Variants in CACNB2 observed in about 807,000 individuals in gnomAD.
CACNB2 encodes voltage-dependent L-type calcium channel subunit beta-2.
Under a neutral mutation model 73.3 loss-of-function variants are expected in CACNB2, and 42 were observed. The ratio of observed to expected loss-of-function variants is 0.57; its 90% confidence interval spans 0.45 to 0.74. CACNB2 has a LOEUF of 0.74. Ranked by LOEUF, CACNB2 falls within the 30% of genes least tolerant of loss-of-function variation. CACNB2 has a pLI of 0.00. For synonymous variants in CACNB2, 348 were observed against 310.3 expected (o/e 1.12, Z -1.28); for missense variants, 940 against 853.0 (o/e 1.10, Z -1.27).
intron 3 of CACNB2, among the ~76,000 whole-genome samples, chr10:18,406,810 G>C (rs2044312253): frequency 6.6e-6 from 1 of 152,152 alleles, no homozygotes. Context: ...AAAGGTGGAG[G>C]ACTGCTGCCT....
intron 3 of CACNB2, among the ~76,000 whole-genome samples, chr10:18,403,432 G>A (rs4536107): frequency 1 from 152,370 of 152,372 alleles, 76,184 homozygotes; most frequent in Middle Eastern, 1. Flanking sequence ...AAAAACTACA[G>A]TTTGTATTCC....
At chr10:18,511,519 A>G (rs1201348176) in intron 6 of CACNB2, among the ~76,000 whole-genome samples, 2 of 152,248 alleles carry the variant, frequency 1.3e-5, no homozygotes, top group Non-Finnish European at 2.9e-5. Context: ...AGGGAATGGT[A>G]GCTGTATTGT....
At chr10:18,530,601 T>G (rs1564660114) in intron 10 of CACNB2, among the ~76,000 whole-genome samples, 1 of 151,384 alleles carries the variant, frequency 6.6e-6, no homozygotes, top group Admixed American at 6.6e-5. Flanking sequence ...TATCATGTAA[T>G]GTATTGAATA....
chr10:18,261,249 A>G (rs2037524320), intron 2 of CACNB2: 5 of 1,550,980 alleles, frequency 3.2e-6, no homozygotes, highest in Non-Finnish European at 4.4e-6. Flanking sequence ...CCACACGCTG[A>G]CTGCGTTCTG....
chr10:18,350,287 C>A (rs1253421418), intron 2 of CACNB2, among the ~76,000 whole-genome samples: 1 of 152,094 alleles, frequency 6.6e-6, no homozygotes, highest in East Asian at 1.9e-4. Flanking sequence ...AATAATAATT[C>A]TCATAACAAC....
intron 3 of CACNB2, among the ~76,000 whole-genome samples, chr10:18,442,930 A>ATATATATATATATG (rs2046495292): frequency 4.4e-5 from 2 of 45,826 alleles, no homozygotes; most frequent in Non-Finnish European, 7.0e-5. Flanking sequence ...ATATATGTAT[A>ATATATATATATATG]TATATATATA....
intron 3 of CACNB2, among the ~76,000 whole-genome samples, chr10:18,421,522 A>G (rs539013794): frequency 2.6e-5 from 4 of 151,864 alleles, no homozygotes; most frequent in Non-Finnish European, 4.4e-5. Context: ...CTGGTCTCAA[A>G]CTCCCGACCT....
intron 2 of CACNB2, among the ~76,000 whole-genome samples, chr10:18,191,040 C>T (rs762440306): frequency 1.6e-4 from 24 of 152,136 alleles, no homozygotes; most frequent in Middle Eastern, 3.2e-3. Context: ...TAGAAGGTTA[C>T]AGTAAACCAG....
intron 2 of CACNB2, among the ~76,000 whole-genome samples, chr10:18,212,126 C>T (rs938811386): frequency 3.9e-5 from 6 of 152,178 alleles, no homozygotes; most frequent in Admixed American, 6.5e-5. Context: ...GGAAGTTCTG[C>T]TTAAGGCCGA....
intron 2 of CACNB2, among the ~76,000 whole-genome samples, chr10:18,361,321 C>G (rs2042126821): frequency 1.4e-5 from 2 of 146,310 alleles, no homozygotes; most frequent in African/African-American, 5.1e-5. Flanking sequence ...GAAGCCCTGT[C>G]TCTACAAAAA....
At chr10:18,144,101 G>A (rs940054661) in intron 1 of CACNB2, among the ~76,000 whole-genome samples, 1 of 151,964 alleles carries the variant, frequency 6.6e-6, no homozygotes, top group Non-Finnish European at 1.5e-5. Context: ...GTTTTGAAAC[G>A]GAGTCTCACC....
intron 3 of CACNB2, among the ~76,000 whole-genome samples, chr10:18,402,962 G>A (rs552441079): frequency 1.3e-5 from 2 of 152,302 alleles, no homozygotes; most frequent in South Asian, 4.1e-4. Context: ...GTTGCTATGG[G>A]AATTGTGGTT....
At chr10:18,288,902 G>T (rs994251850) in intron 2 of CACNB2, among the ~76,000 whole-genome samples, 8 of 152,032 alleles carry the variant, frequency 5.3e-5, no homozygotes, top group Admixed American at 2.0e-4. Flanking sequence ...AAAATCAGCC[G>T]GGCATGGCAG....
intron 3 of CACNB2, among the ~76,000 whole-genome samples, chr10:18,426,925 A>C (rs1436099799): frequency 8.1e-6 from 1 of 123,442 alleles, no homozygotes; most frequent in Non-Finnish European, 1.7e-5. Context: ...ATGAATTGGT[A>C]CTGAATTTTA....
intron 3 of CACNB2, among the ~76,000 whole-genome samples, chr10:18,446,292 T>G (rs2046730901): frequency 6.6e-6 from 1 of 152,214 alleles, no homozygotes; most frequent in East Asian, 1.9e-4. Flanking sequence ...CTATTTTCTT[T>G]CATTGAGTGA....
Position 18,197,495 on chromosome 10 carries a change from C to T in CACNB2, c.213+46520C>T, listed in dbSNP as rs74120245. Reference sequence around the variant, plus strand: ...CACCCCAGTGTGTTTCTTTGTGATTCTCCTGGCTCTGTCCTCCTTCAGCCA... The same window carrying T: ...CACCCCAGTGTGTTTCTTTGTGATTTTCCTGGCTCTGTCCTCCTTCAGCCA... On this transcript the variant is annotated intron_variant, in intron 2 of 13. Transcript: ENST00000324631. 6.6e-3 allele frequency among the ~76,000 whole-genome samples: 1,010 copies of T among 152,302 alleles called. 15 individuals are homozygous for T. Among genetic ancestry groups the T allele is most frequent in the African/African-American group, 0.023 (974 of 41,560 alleles).
intron 2 of CACNB2, among the ~76,000 whole-genome samples, chr10:18,358,552 CGCTCTCTCTCTCTCTCTCTG>C (rs2042023252): frequency 4.6e-5 from 1 of 21,580 alleles, no homozygotes; most frequent in African/African-American, 1.4e-4. Context: ...CTCTCTCTCT[CGCTCTCTCTCTCTCTCTCTG>C]GAACTGCTTT....
chr10:18,527,545 G>C, intron 9 of CACNB2, 43 bp from the exon 10 acceptor site: 1 of 1,274,834 alleles, frequency 7.8e-7, no homozygotes, highest in South Asian at 1.2e-5. Flanking sequence ...CCTTTGATTA[G>C]ACCAATAACC....
intron 3 of CACNB2, 79 bp downstream of exon 3, chr10:18,402,122 A>G (rs2044032566): frequency 6.7e-7 from 1 of 1,486,618 alleles, no homozygotes; most frequent in Non-Finnish European, 9.3e-7. Flanking sequence ...AGTTTCCCCT[A>G]AAGGTTGTTT....
Sources: gnomAD v4.1 joint callset for allele counts (sites outside exome capture counted in the v4.1 genomes callset) on GRCh38, gnomAD v4.1.1 for gene constraint, MANE v1.5 for transcripts, NCBI Gene and HGNC (gene_info 2026-07-23, HGNC 2026-07-21) for gene names.